Variants in PALMD observed in about 807,000 individuals in gnomAD.
PALMD encodes palmdelphin.
PALMD carries 42 observed loss-of-function variants against 56.2 expected under a neutral mutation model. That is an observed-to-expected ratio of 0.75 (90% CI 0.58 to 0.97). PALMD has a LOEUF of 0.97. Ranked by LOEUF, PALMD falls within the 50% of genes least tolerant of loss-of-function variation. PALMD has a pLI of 0.00. For missense variants in PALMD, 660 were observed against 643.8 expected (o/e 1.03, Z -0.27); for synonymous variants, 242 against 222.9 (o/e 1.09, Z -0.76).
chr1:99,659,768 A>G (rs1652805999), intron 1 of PALMD, among the ~76,000 whole-genome samples: 1 of 152,246 alleles, frequency 6.6e-6, no homozygotes, highest in Admixed American at 6.5e-5. Context: ...AGGAAAAAGT[A>G]TGCCTATCTT....
chr1:99,682,466 A>G (rs1653364929), intron 3 of PALMD, among the ~76,000 whole-genome samples: 1 of 152,186 alleles, frequency 6.6e-6, no homozygotes, highest in South Asian at 2.1e-4. Context: ...AGTGACTTGA[A>G]AACCTTCAAA....
intron 1 of PALMD, among the ~76,000 whole-genome samples, chr1:99,661,069 T>C (rs1396990459): frequency 1.3e-5 from 2 of 152,224 alleles, no homozygotes; most frequent in Non-Finnish European, 2.9e-5. Flanking sequence ...TGCACTTATA[T>C]ATCAATAATG....
Position 99,689,503 on chromosome 1 carries a change from A to G in PALMD, c.1243A>G (p.Met415Val). Residue 415 changes from methionine to valine, a missense_variant, in exon 7 of 8, where the codon ATG becomes GTG. Physicochemically the swap from Met to Val is conservative, Grantham distance 21. Transcript: ENST00000263174. Reference sequence around the variant, plus strand: ...CATAAATGATACAGAACCGGTGACAATGATTTTCATGGGGTATCAGCAGGC... The same window carrying G: ...CATAAATGATACAGAACCGGTGACAGTGATTTTCATGGGGTATCAGCAGGC... The part of the protein sequence containing the change: ...PDINDTEPVT[M>V]IFMGYQQAED... 6.2e-7 allele frequency: 1 copy of G among 1,613,852 alleles called. No homozygotes were observed. The highest frequency in any genetic ancestry group is 8.5e-7 in the Non-Finnish European group (1 of 1,179,868).
At chr1:99,671,159 C>T (rs1653078640) in intron 3 of PALMD, among the ~76,000 whole-genome samples, 1 of 152,206 alleles carries the variant, frequency 6.6e-6, no homozygotes, top group East Asian at 1.9e-4. Flanking sequence ...ACATTTGCCA[C>T]TCTGCCAGGC....
chr1:99,656,197 T>G (rs1652721568), intron 1 of PALMD, among the ~76,000 whole-genome samples: 2 of 152,222 alleles, frequency 1.3e-5, no homozygotes, highest in South Asian at 4.1e-4. Context: ...ATGTTTCCAT[T>G]CGTAAATTGC....
Position 99,686,776 on chromosome 1 carries a change from G to C in PALMD, c.352G>C (p.Glu118Gln), listed in dbSNP as rs1440542959. Reference sequence around the variant, plus strand: ...ACTAAAGTCAATTGAGCGGACAACAGAAGACATTATAAGAGTGAGCATTAA... The same window carrying C: ...ACTAAAGTCAATTGAGCGGACAACACAAGACATTATAAGAGTGAGCATTAA... Reference protein sequence around the residue: ...KKLKSIERTTEDIIRSVKVER... With the variant: ...KKLKSIERTTQDIIRSVKVER... The change falls in exon 4 of 8, where the codon GAA (glutamate) becomes CAA (glutamine). Residue 118 changes from glutamate to glutamine, a missense_variant. By Grantham distance (29) the Glu-to-Gln change is conservative. Transcript: ENST00000263174. The C allele has an allele frequency of 6.3e-7, 1 of 1,577,216 alleles. No homozygotes were observed. Among genetic ancestry groups the C allele is most frequent in the Non-Finnish European group, 8.7e-7 (1 of 1,148,052 alleles).
At chr1:99,685,132 CT>C (rs1653456879) in intron 3 of PALMD, 1 of 152,090 alleles carries the variant, frequency 6.6e-6, no homozygotes, top group Non-Finnish European at 1.5e-5. Context: ...ATTCAATGTA[CT>C]TTCATATACA....
At chr1:99,667,897 A>T in intron 3 of PALMD, 131 bp downstream of exon 3, 2 of 817,660 alleles carry the variant, frequency 2.4e-6, no homozygotes, top group East Asian at 2.7e-5. Flanking sequence ...TTTTTTTTTT[A>T]AGGCACGCTT....
intron 6 of PALMD, among the ~76,000 whole-genome samples, chr1:99,687,907 G>C (rs1653549907): frequency 6.6e-6 from 1 of 152,118 alleles, no homozygotes; most frequent in Non-Finnish European, 1.5e-5. Flanking sequence ...GAACCACCAG[G>C]CTATAGAGGA....
intron 3 of PALMD, among the ~76,000 whole-genome samples, chr1:99,672,086 C>T (rs987222233): frequency 2.0e-5 from 3 of 152,116 alleles, no homozygotes; most frequent in African/African-American, 7.2e-5. Context: ...ATATTAAAGA[C>T]ATTCAGAGGG....
intron 3 of PALMD, chr1:99,668,918 T>C (rs1653026700): frequency 6.6e-6 from 1 of 152,212 alleles, no homozygotes. Flanking sequence ...AAAGATGGAA[T>C]TTCTTGTGTT....
At chr1:99,664,191 G>A (rs773811680) in intron 2 of PALMD, among the ~76,000 whole-genome samples, 1 of 152,114 alleles carries the variant, frequency 6.6e-6, no homozygotes, top group Non-Finnish European at 1.5e-5. Flanking sequence ...CTAGGAGTTG[G>A]GGGAAATGAC....
chr1:99,652,784 C>T (rs200757906), intron 1 of PALMD, among the ~76,000 whole-genome samples: 6 of 151,858 alleles, frequency 4.0e-5, no homozygotes, highest in South Asian at 2.1e-4. Context: ...CTTATTAATA[C>T]AGTTTGACGT....
intron 1 of PALMD, among the ~76,000 whole-genome samples, chr1:99,650,285 GAAAA>G (rs200081370): frequency 5.1e-5 from 6 of 116,958 alleles, no homozygotes; most frequent in African/African-American, 2.2e-4. Flanking sequence ...TGCTCATAAT[GAAAA>G]AAAAAAAAAA....
At chr1:99,687,877 G>A (rs1653548947) in intron 6 of PALMD, among the ~76,000 whole-genome samples, 1 of 128,666 alleles carries the variant, frequency 7.8e-6, no homozygotes. Context: ...AGTTTTTCTT[G>A]GGTAGTCAAG....
chr1:99,655,294 A>G (rs1652697252), intron 1 of PALMD, among the ~76,000 whole-genome samples: 1 of 152,126 alleles, frequency 6.6e-6, no homozygotes, highest in South Asian at 2.1e-4. Flanking sequence ...TAGATGATAA[A>G]TAATATTAAA....
intron 7 of PALMD, among the ~76,000 whole-genome samples, chr1:99,691,094 G>A (rs1653642914): frequency 6.6e-6 from 1 of 152,122 alleles, no homozygotes; most frequent in Non-Finnish European, 1.5e-5. Flanking sequence ...AGAGTTGAGT[G>A]ATATGTCTCA....
rs1400666115 is a variant in PALMD, at chr1:99,689,221, A to T, written c.961A>T (p.Ser321Cys). The change falls in exon 7 of 8, where the codon AGT becomes TGT. Residue 321 changes from serine to cysteine, a missense_variant. By Grantham distance (112) the Ser-to-Cys change is moderately radical. Transcript: ENST00000263174. The part of the protein sequence containing the change: ...EERGNNFNHI[S>C]PIPPVPHPRS... ...AAGGGGAAACAACTTCAATCACATC[A>T]GTCCCATTCCGCCAGTGCCTCATCC... 2 of 1,613,706 alleles carry T rather than the reference A, an allele frequency of 1.2e-6. No homozygotes were observed. Among genetic ancestry groups the T allele is most frequent in the Non-Finnish European group, 8.5e-7 (1 of 1,179,814 alleles).
intron 1 of PALMD, among the ~76,000 whole-genome samples, chr1:99,661,813 A>G (rs1652852145): frequency 6.6e-6 from 1 of 152,176 alleles, no homozygotes; most frequent in Non-Finnish European, 1.5e-5. Flanking sequence ...ATTTTCCTCT[A>G]TCTTCCCATA....
Sources: allele counts gnomAD v4.1 joint callset (sites outside exome capture counted in the v4.1 genomes callset), GRCh38; gene constraint gnomAD v4.1.1; transcripts MANE v1.5; gene names NCBI Gene and HGNC (gene_info 2026-07-23, HGNC 2026-07-21).